The following ZBTB20 variants were observed in gnomAD, a reference collection of about 807,000 sequenced individuals.
The protein encoded by ZBTB20 is zinc finger and BTB domain-containing protein 20.
ZBTB20 carries 9 observed loss-of-function variants against 56.9 expected under a neutral mutation model. The observed-to-expected ratio is 0.16, with a 90% CI of 0.10 to 0.28. The LOEUF (loss-of-function observed/expected upper bound fraction) is 0.28, where lower values mean the gene tolerates loss of function less well. Ranked by LOEUF, ZBTB20 falls within the 10% of genes least tolerant of loss-of-function variation. ZBTB20 has a pLI of 1.00. For synonymous variants in ZBTB20, 417 were observed against 420.7 expected, an observed-to-expected ratio of 0.99 and a Z score of 0.11; for missense variants, 655 against 1,003.0, an observed-to-expected ratio of 0.65 and a Z score of 4.69.
chr3:114,982,218 A>G (rs2078358950), intron 2 of ZBTB20, among the ~76,000 whole-genome samples: 1 of 152,096 alleles, frequency 6.6e-6, no homozygotes. Context: ...TATTATCATA[A>G]TAACTTCTCA....
At chr3:114,537,724 T>C (rs1466157261) in intron 6 of ZBTB20, among the ~76,000 whole-genome samples, 1 of 152,068 alleles carries the variant, frequency 6.6e-6, no homozygotes, top group Middle Eastern at 3.2e-3. Flanking sequence ...TGGTAAAGAC[T>C]TGGAACCAAG....
intron 5 of ZBTB20, among the ~76,000 whole-genome samples, chr3:114,751,819 C>T (rs568942393): frequency 2.0e-5 from 3 of 152,190 alleles, no homozygotes; most frequent in Admixed American, 6.5e-5. Flanking sequence ...TGAGCTAAAT[C>T]GTATTACAAT....
At chr3:114,451,827 C>T (rs2091633247) in intron 7 of ZBTB20, among the ~76,000 whole-genome samples, 1 of 152,110 alleles carries the variant, frequency 6.6e-6, no homozygotes, top group Admixed American at 6.6e-5. Flanking sequence ...TCCTCCTCCT[C>T]TATTTTTTTT....
intron 5 of ZBTB20, among the ~76,000 whole-genome samples, chr3:114,762,330 C>T (rs1470122246): frequency 6.6e-6 from 1 of 152,202 alleles, no homozygotes; most frequent in Non-Finnish European, 1.5e-5. Context: ...AACTTTACAG[C>T]TAACTGCCAG....
intron 4 of ZBTB20, among the ~76,000 whole-genome samples, chr3:114,828,207 CAT>C (rs1304747771): frequency 6.6e-6 from 1 of 151,632 alleles, no homozygotes; most frequent in Non-Finnish European, 1.5e-5. Flanking sequence ...ATGTATTATT[CAT>C]ATGTCTCATG....
chr3:114,677,589 T>C (rs1004579700), intron 6 of ZBTB20, among the ~76,000 whole-genome samples: 2 of 152,146 alleles, frequency 1.3e-5, no homozygotes, highest in Admixed American at 6.6e-5. Context: ...CATGGAAACA[T>C]TGTCTTCCAT....
chr3:114,792,738 T>C (rs1357968603), intron 5 of ZBTB20, among the ~76,000 whole-genome samples: 1 of 151,952 alleles, frequency 6.6e-6, no homozygotes, highest in Non-Finnish European at 1.5e-5. Context: ...TCATCAGCAA[T>C]GTTTCAACCC....
chr3:114,847,358 C>T (rs1210674153), intron 4 of ZBTB20, among the ~76,000 whole-genome samples: 1 of 151,962 alleles, frequency 6.6e-6, no homozygotes, highest in Non-Finnish European at 1.5e-5. Flanking sequence ...TCCCTGATCA[C>T]CAACTTTGAA....
chr3:114,625,551 T>G (rs2058610448), intron 6 of ZBTB20, among the ~76,000 whole-genome samples: 1 of 152,116 alleles, frequency 6.6e-6, no homozygotes, highest in Non-Finnish European at 1.5e-5. Context: ...GGGTTAATAG[T>G]GTCTGTATAT....
intron 7 of ZBTB20, among the ~76,000 whole-genome samples, chr3:114,424,203 A>T (rs145847953): frequency 0.017 from 2,533 of 152,328 alleles, 73 homozygotes; most frequent in African/African-American, 0.057. Context: ...ACTTTGGGTA[A>T]ACATGCAATT....
intron 2 of ZBTB20, among the ~76,000 whole-genome samples, chr3:115,069,329 C>A (rs933474396): frequency 6.6e-6 from 1 of 151,992 alleles, no homozygotes; most frequent in Admixed American, 6.6e-5. Context: ...TGTTTTCAAT[C>A]GGGAGAGAAC....
chr3:114,654,672 A>G (rs954861869), intron 6 of ZBTB20, among the ~76,000 whole-genome samples: 5 of 152,260 alleles, frequency 3.3e-5, no homozygotes, highest in Admixed American at 3.3e-4. Context: ...AGTGTTCTGT[A>G]AACATCAAAC....
intron 2 of ZBTB20, among the ~76,000 whole-genome samples, chr3:114,987,302 C>T (rs1448927061): frequency 2.0e-5 from 3 of 152,056 alleles, no homozygotes; most frequent in Non-Finnish European, 4.4e-5. Flanking sequence ...AAGAATCAGG[C>T]TTTTGAGGTC....
At chr3:114,723,882 T>C (rs1192625295) in intron 5 of ZBTB20, among the ~76,000 whole-genome samples, 1 of 152,144 alleles carries the variant, frequency 6.6e-6, no homozygotes, top group Non-Finnish European at 1.5e-5. Flanking sequence ...TTCTTTTTTT[T>C]TTCTTAGACG....
chr3:115,019,845 G>A (rs2080132763), intron 2 of ZBTB20, among the ~76,000 whole-genome samples: 1 of 151,230 alleles, frequency 6.6e-6, no homozygotes, highest in Admixed American at 6.6e-5. Flanking sequence ...AGAGAACTCC[G>A]AAGAGGTAGT....
intron 5 of ZBTB20, among the ~76,000 whole-genome samples, chr3:114,700,167 T>G (rs1257906222): frequency 6.6e-6 from 1 of 152,104 alleles, no homozygotes; most frequent in African/African-American, 2.4e-5. Context: ...TCACTTGTAC[T>G]CTGTGTCTAG....
At chr3:114,576,417 G>T (rs561761463) in intron 6 of ZBTB20, among the ~76,000 whole-genome samples, 1 of 147,308 alleles carries the variant, frequency 6.8e-6, no homozygotes, top group African/African-American at 2.5e-5. Context: ...CAGGAGAACG[G>T]CGTGAACCCG....
intron 3 of ZBTB20, among the ~76,000 whole-genome samples, chr3:114,973,488 C>A (rs2077972582): frequency 6.6e-6 from 1 of 152,014 alleles, no homozygotes; most frequent in Non-Finnish European, 1.5e-5. Flanking sequence ...TTGATTTAAA[C>A]CTCTCTGACA....
chr3:114,963,548 T>C (rs547224777), intron 3 of ZBTB20, among the ~76,000 whole-genome samples: 29 of 152,206 alleles, frequency 1.9e-4, no homozygotes, highest in African/African-American at 6.0e-4. Context: ...AACAGGTCCA[T>C]GTAAAAGGCT....
Sources: gnomAD v4.1 joint callset for allele counts (sites outside exome capture counted in the v4.1 genomes callset) on GRCh38, gnomAD v4.1.1 for gene constraint, MANE v1.5 for transcripts, NCBI Gene and HGNC (gene_info 2026-07-23, HGNC 2026-07-21) for gene names.